PRKDC: variants seen among roughly 807,000 people sequenced by gnomAD.
PRKDC encodes protein kinase, DNA-activated, catalytic subunit, also known as DNA-dependent protein kinase catalytic subunit.
PRKDC carries 82 observed loss-of-function variants against 486.9 expected under a neutral mutation model. The observed-to-expected ratio is 0.17, with a 90% confidence interval of 0.14 to 0.20. The LOEUF (loss-of-function observed/expected upper bound fraction) is 0.20, where lower values mean the gene tolerates loss of function less well. PRKDC is among the 10% of genes least tolerant of loss of function. PRKDC has a pLI of 1.00. For synonymous variants in PRKDC, 1,895 were observed against 1,837.0 expected (o/e 1.03, Z -0.81); for missense variants, 4,504 against 5,038.2 (o/e 0.89, Z 3.21).
At chr8:47,929,754 T>C (rs1165652085) in intron 18 of PRKDC, 99 bp downstream of exon 18, 15 of 1,274,030 alleles carry the variant, frequency 1.2e-5, no homozygotes, top group Non-Finnish European at 1.6e-5. Flanking sequence ...TAGTAGACTT[T>C]AAAACTGCAT....
chr8:47,778,516 C>G lies in PRKDC; in HGVS notation c.11796G>C (p.Met3932Ile). The change falls in exon 83 of 86, where the codon ATG becomes ATC. Residue 3932 changes from methionine (M) to isoleucine (I), a missense_variant. Met to Ile is a conservative substitution (Grantham distance 10). Around this residue, in one of 6 missense-constraint regions of PRKDC, gnomAD observed 706 missense variants for 945.0 expected, o/e 0.75. Coordinates refer to ENST00000314191, the MANE Select transcript of PRKDC (RefSeq NM_006904.7). ...DRHLNNFMVAMETGGVIGIDF... is the reference protein window; with the variant it reads ...DRHLNNFMVAIETGGVIGIDF... The stretch of plus-strand genomic sequence containing the variant: ...CGATCCCGATCACGCCGCCAGTCTC[C>G]ATGGCCACCATAAAGTTGTTCAGAT... 1 of 1,613,798 alleles carries G rather than the reference C, an allele frequency of 6.2e-7. No homozygotes were observed. The highest frequency in any genetic ancestry group is 8.5e-7 in the Non-Finnish European group (1 of 1,179,816).
chr8:47,896,772 G>C (rs1168934763), intron 30 of PRKDC, among the ~76,000 whole-genome samples: 1 of 152,152 alleles, frequency 6.6e-6, no homozygotes, highest in Non-Finnish European at 1.5e-5. Context: ...GGCAGGGCTT[G>C]ATCTGTCCTG....
Position 47,773,981 on chromosome 8 carries a change from A to G in PRKDC, c.*192T>C. ...TCACCTAATCTTTGATGTTACTATA[A>G]CCTTATCTTTGATTTAACCCATACA... On this transcript the variant is annotated 3_prime_UTR_variant, in exon 86 of 86. Transcript: ENST00000314191. 1 of 576,408 alleles carries G rather than the reference A, an allele frequency of 1.7e-6. No individual in the cohort carries two copies. Among genetic ancestry groups the G allele is most frequent in the Non-Finnish European group, 3.0e-6 (1 of 335,412 alleles). The allele number at this position is 576,408 out of a possible 1,614,324, so 35.7% of individuals were successfully genotyped here.
rs762233503 is a variant in PRKDC, at chr8:47,799,283, C to T, written c.10224G>A (p.Gly3408=). The change falls in exon 72 of 86, where the codon GGG becomes GGA. Residue 3408 remains glycine (G), a synonymous_variant. Transcript: ENST00000314191. Reference sequence around the variant, plus strand: ...CCAGCGTCATGTAAGCATCAATCACCCCAGCTGCAGGCCCACAGCTCCAGG... The same window carrying T: ...CCAGCGTCATGTAAGCATCAATCACTCCAGCTGCAGGCCCACAGCTCCAGG... ...PPSWSCGPAA[G]VIDAYMTLAD... 1.9e-6 allele frequency: 3 copies of T among 1,613,732 alleles called. No homozygotes were observed. Among genetic ancestry groups the T allele is most frequent in the Admixed American group, 1.7e-5 (1 of 60,026 alleles).
Position 47,952,099 on chromosome 8 carries a change from C to A in PRKDC, c.721+1521G>T, listed in dbSNP as rs538209901. Among the ~76,000 whole-genome samples the A allele has an allele frequency of 4.4e-3, 672 of 152,280 alleles. 3 individuals are homozygous for A. The highest frequency in any genetic ancestry group is 7.7e-3 in the Non-Finnish European group (527 of 68,022). On this transcript the variant is annotated intron_variant, in intron 7 of 85. Transcript: ENST00000314191. Reference sequence around the variant, plus strand: ...AAACTAAGGTTACCATACAACCCAACAATCACAATTCTAAGTATATATCCA... The same window carrying A: ...AAACTAAGGTTACCATACAACCCAAAAATCACAATTCTAAGTATATATCCA...
intron 69 of PRKDC, 124 bp from the exon 70 acceptor site, chr8:47,803,604 T>C (rs2087155537): frequency 7.5e-6 from 6 of 800,836 alleles, no homozygotes; most frequent in Non-Finnish European, 1.2e-5. Flanking sequence ...TCCATTTCTT[T>C]AGCTTCAATT....
At chr8:47,950,981 A>G (rs1211455536) in intron 7 of PRKDC, among the ~76,000 whole-genome samples, 3 of 152,194 alleles carry the variant, frequency 2.0e-5, no homozygotes, top group Non-Finnish European at 4.4e-5. Flanking sequence ...CATCTCTTAA[A>G]AAAATAAAAA....
intron 11 of PRKDC, 133 bp from the exon 12 acceptor site, chr8:47,936,650 G>A (rs1368301701): frequency 2.1e-5 from 22 of 1,033,438 alleles, no homozygotes; most frequent in Admixed American, 8.0e-5. Flanking sequence ...ACGAAGTTTC[G>A]CTCTTGTCCA....
chr8:47,816,930 T>C (rs555659082), intron 68 of PRKDC, among the ~76,000 whole-genome samples: 17 of 152,290 alleles, frequency 1.1e-4, no homozygotes, highest in South Asian at 4.1e-4. Context: ...TAAACCTCTC[T>C]GATTTTATTA....
intron 72 of PRKDC, 79 bp downstream of exon 72, chr8:47,799,128 AGAG>A: frequency 1.3e-6 from 2 of 1,503,044 alleles, no homozygotes; most frequent in South Asian, 2.4e-5. Context: ...AAACAAACAA[AGAG>A]GAGACCAAAG....
chr8:47,927,262 A>G lies in PRKDC; in HGVS notation c.2351T>C (p.Val784Ala), dbSNP rs2090170297. 1 of 1,613,688 alleles carries G rather than the reference A, an allele frequency of 6.2e-7. No individual in the cohort carries two copies. Among genetic ancestry groups the G allele is most frequent in the Non-Finnish European group, 8.5e-7 (1 of 1,179,744 alleles). ...AATGTCTTTGTAATAAGGCTGCATTACATGTCTGTCAATATAAATTGACCA... is the reference window on the plus strand; with the variant it reads ...AATGTCTTTGTAATAAGGCTGCATTGCATGTCTGTCAATATAAATTGACCA... Reference protein sequence around the residue: ...EEWSIYIDRHVMQPYYKDILP... With the variant: ...EEWSIYIDRHAMQPYYKDILP... The change falls in exon 21 of 86, where the codon GTA becomes GCA. Residue 784 changes from valine to alanine, a missense_variant. Val to Ala is a moderately conservative substitution (Grantham distance 64, BLOSUM62 0). Coordinates refer to ENST00000314191, the MANE Select transcript of PRKDC (RefSeq NM_006904.7).
At chr8:47,885,037 G>A (rs1383236877) in intron 36 of PRKDC, among the ~76,000 whole-genome samples, 3 of 152,192 alleles carry the variant, frequency 2.0e-5, no homozygotes, top group East Asian at 3.8e-4. Flanking sequence ...CCACATCTTG[G>A]CAAATGTCAA....
Position 47,912,628 on chromosome 8 carries a change from T to C in PRKDC, c.2782-66A>G, listed in dbSNP as rs776743471. ...GTTGATGACAAGAGAATATTTGAAA[T>C]GTCACTCAATTTAGCCTTTAAGAAG... On this transcript the variant is annotated intron_variant, in intron 24 of 85. Transcript: ENST00000314191. The C allele has an allele frequency of 5.7e-5, 82 of 1,429,174 alleles. 1 individual carries two copies. Among genetic ancestry groups the C allele is most frequent in the Admixed American group, 2.8e-4 (12 of 42,352 alleles). The allele number at this position is 1,429,174 out of a possible 1,614,324, so 88.5% of individuals were successfully genotyped here.
In PRKDC at chr8:47,885,883, C is replaced by T; in HGVS notation, c.4776+61G>A. 6 of 1,527,018 alleles carry T rather than the reference C, an allele frequency of 3.9e-6. No homozygotes were observed. The East Asian group carries it at 6.8e-5, about 17-fold the overall frequency. 94.6% of individuals were successfully genotyped at this position (1,527,018 alleles called of 1,614,324 possible). On this transcript the variant is annotated intron_variant, in intron 36 of 85. Coordinates refer to ENST00000314191, the MANE Select transcript of PRKDC (RefSeq NM_006904.7). Reference sequence around the variant, plus strand: ...CTCCAGCCTGGGCGAAAGTGCAAGACTCTGTCTCAAACAAACAAACAAACA... The same window carrying T: ...CTCCAGCCTGGGCGAAAGTGCAAGATTCTGTCTCAAACAAACAAACAAACA...
intron 7 of PRKDC, among the ~76,000 whole-genome samples, chr8:47,950,987 A>G (rs188914386): frequency 8.5e-5 from 13 of 152,174 alleles, no homozygotes; most frequent in South Asian, 2.1e-4. Context: ...TTAAAAAAAT[A>G]AAAAAAATAA....
chr8:47,824,893 T>C (rs1447057516), intron 63 of PRKDC, among the ~76,000 whole-genome samples: 1 of 152,190 alleles, frequency 6.6e-6, no homozygotes, highest in Non-Finnish European at 1.5e-5. Flanking sequence ...CCTCCTTAGT[T>C]CTCCTGCTGT....
chr8:47,840,770 A>G (rs2154499891), intron 54 of PRKDC, among the ~76,000 whole-genome samples: 1 of 152,360 alleles, frequency 6.6e-6, no homozygotes, highest in East Asian at 1.9e-4. Context: ...TTCATACAGT[A>G]GATACTCAGT....
At chr8:47,792,896 G>T (rs2086905975) in intron 74 of PRKDC, among the ~76,000 whole-genome samples, 1 of 152,200 alleles carries the variant, frequency 6.6e-6, no homozygotes, top group Non-Finnish European at 1.5e-5. Context: ...TAAAAAACAG[G>T]TTCTCACTAT....
intron 68 of PRKDC, among the ~76,000 whole-genome samples, chr8:47,810,942 TG>T (rs2087312671): frequency 6.6e-6 from 1 of 152,034 alleles, no homozygotes; most frequent in African/African-American, 2.4e-5. Flanking sequence ...TATGGAACAA[TG>T]TCAAAAGGCA....
Sources: gnomAD v4.1 joint callset for allele counts (sites outside exome capture counted in the v4.1 genomes callset) on GRCh38, gnomAD v4.1.1 for gene constraint, gnomAD v4.1.1 regional missense constraint, MANE v1.5 for transcripts, NCBI Gene and HGNC (gene_info 2026-07-23, HGNC 2026-07-21) for gene names.